WIF1: variants seen among roughly 807,000 people sequenced by gnomAD.
The protein encoded by WIF1 is Wnt inhibitory factor 1.
In WIF1, 35 loss-of-function variants were observed where a neutral mutation model predicts 53.5. The observed-to-expected ratio is 0.65, with a 90% CI of 0.50 to 0.87. WIF1 has a LOEUF of 0.87. Among genes scored for constraint, WIF1 ranks in the 40% least tolerant of loss-of-function variants. The pLI, the probability that WIF1 is intolerant of heterozygous loss-of-function variation, is 0.00. For synonymous variants in WIF1, 171 were observed against 170.4 expected (o/e 1.00, Z -0.03); for missense variants, 467 against 476.8 (o/e 0.98, Z 0.19).
At chr12:65,067,949 T>C (rs1882713617) in intron 4 of WIF1, among the ~76,000 whole-genome samples, 159 bp from the exon 5 acceptor site, 1 of 152,140 alleles carries the variant, frequency 6.6e-6, no homozygotes. Context: ...TCGATATCAC[T>C]TGGATTTCAC....
At chr12:65,072,046 A>C (rs1288145763) in intron 3 of WIF1, among the ~76,000 whole-genome samples, 3 of 152,172 alleles carry the variant, frequency 2.0e-5, no homozygotes, top group African/African-American at 7.2e-5. Flanking sequence ...CTTTATCTAT[A>C]AGACCATTTA....
intron 7 of WIF1, among the ~76,000 whole-genome samples, chr12:65,058,398 G>A (rs565755416): frequency 1.3e-5 from 2 of 152,268 alleles, no homozygotes; most frequent in East Asian, 3.9e-4. Context: ...CTGGGATAAT[G>A]CAGAAAATGA....
chr12:65,063,007 C>G, intron 6 of WIF1, among the ~76,000 whole-genome samples: 1 of 151,994 alleles, frequency 6.6e-6, no homozygotes, highest in East Asian at 1.9e-4. Context: ...AATATCAGGA[C>G]CTGACAAAAA....
intron 2 of WIF1, among the ~76,000 whole-genome samples, chr12:65,095,317 T>C (rs1027135916): frequency 2.0e-5 from 3 of 152,130 alleles, no homozygotes; most frequent in Admixed American, 6.6e-5. Flanking sequence ...CTCTGGATTC[T>C]CTAGTTCAAA....
chr12:65,063,839 A>G (rs1433411938), intron 6 of WIF1, among the ~76,000 whole-genome samples: 1 of 152,044 alleles, frequency 6.6e-6, no homozygotes, highest in African/African-American at 2.4e-5. Flanking sequence ...TCAGCCTCCC[A>G]GATGGCTGGG....
intron 2 of WIF1, among the ~76,000 whole-genome samples, chr12:65,092,930 T>C (rs949182225): frequency 6.6e-6 from 1 of 152,038 alleles, no homozygotes; most frequent in African/African-American, 2.4e-5. Context: ...CTCTGATCTC[T>C]CTTGTCCATG....
chr12:65,072,686 C>G (rs569759400), intron 3 of WIF1, among the ~76,000 whole-genome samples: 1 of 152,174 alleles, frequency 6.6e-6, no homozygotes, highest in South Asian at 2.1e-4. Context: ...AAAATACTAG[C>G]AACATGCACT....
At chr12:65,104,969 A>T (rs1883332756) in intron 2 of WIF1, among the ~76,000 whole-genome samples, 1 of 152,220 alleles carries the variant, frequency 6.6e-6, no homozygotes, top group South Asian at 2.1e-4. Context: ...GGGGGTGTTT[A>T]TCATAAAGAA....
chr12:65,096,213 C>A (rs948783197), intron 2 of WIF1, among the ~76,000 whole-genome samples: 2 of 152,160 alleles, frequency 1.3e-5, no homozygotes, highest in Non-Finnish European at 2.9e-5. Context: ...AGGATATGAA[C>A]AGACACTTCT....
At chr12:65,111,461 C>T (rs1407867159) in intron 2 of WIF1, among the ~76,000 whole-genome samples, 1 of 152,172 alleles carries the variant, frequency 6.6e-6, no homozygotes, top group Admixed American at 6.5e-5. Context: ...ACTCCAACCA[C>T]ACCAAAGTAC....
At chr12:65,083,156 G>A (rs903006752) in intron 2 of WIF1, among the ~76,000 whole-genome samples, 1 of 152,104 alleles carries the variant, frequency 6.6e-6, no homozygotes, top group Non-Finnish European at 1.5e-5. Flanking sequence ...ATTCAGATTC[G>A]CAGATTCACT....
Position 65,116,576 on chromosome 12 carries a change from T to C in WIF1, c.288+3841A>G. On this transcript the variant is annotated intron_variant, in intron 2 of 9. Transcript: ENST00000286574. ...TATTACAATGTAATAATAATAGAAA[T>C]AAAGTGCACTATCCATGTAATGCAC... Among the ~76,000 whole-genome samples, 2 of 151,938 alleles carry C rather than the reference T, an allele frequency of 1.3e-5. 1 individual carries two copies. The highest frequency in any genetic ancestry group is 3.9e-4 in the East Asian group (2 of 5,174).
At chr12:65,076,972 A>G (rs1032526470) in intron 3 of WIF1, among the ~76,000 whole-genome samples, 1 of 152,134 alleles carries the variant, frequency 6.6e-6, no homozygotes, top group Admixed American at 6.6e-5. Context: ...AAAAGATGAG[A>G]AGGAAATACA....
At chr12:65,083,126 T>C (rs1882974014) in intron 2 of WIF1, among the ~76,000 whole-genome samples, 1 of 152,210 alleles carries the variant, frequency 6.6e-6, no homozygotes, top group South Asian at 2.1e-4. Flanking sequence ...CAGCCTATTA[T>C]TGTTACAGCA....
At chr12:65,077,163 T>C (rs559642303) in intron 3 of WIF1, among the ~76,000 whole-genome samples, 1 of 152,318 alleles carries the variant, frequency 6.6e-6, no homozygotes, top group Admixed American at 6.5e-5. Context: ...GACTCGCTAC[T>C]AGTATTCAAA....
chr12:65,119,576 G>T (rs1566321), intron 2 of WIF1, among the ~76,000 whole-genome samples: 115,282 of 151,722 alleles, frequency 0.76, 43,888 homozygotes, highest in East Asian at 1. Context: ...ATAAAAGACC[G>T]AAAAATGTGG....
At chr12:65,114,932 A>G (rs1462669677) in intron 2 of WIF1, among the ~76,000 whole-genome samples, 2 of 152,186 alleles carry the variant, frequency 1.3e-5, no homozygotes, top group African/African-American at 4.8e-5. Context: ...TGCACACTAT[A>G]CATGATAAAA....
At chr12:65,113,050 T>C (rs996852908) in intron 2 of WIF1, among the ~76,000 whole-genome samples, 2 of 152,178 alleles carry the variant, frequency 1.3e-5, no homozygotes, top group South Asian at 4.1e-4. Context: ...TTATTTCTCT[T>C]TGTATGCTAT....
At chr12:65,098,565 TG>T (rs1177671606) in intron 2 of WIF1, among the ~76,000 whole-genome samples, 2 of 152,168 alleles carry the variant, frequency 1.3e-5, no homozygotes, top group African/African-American at 2.4e-5. Context: ...GGCATTGTGC[TG>T]GGCAAAATGG....
Sources: gnomAD v4.1 joint callset for allele counts (sites outside exome capture counted in the v4.1 genomes callset) on GRCh38, gnomAD v4.1.1 for gene constraint, MANE v1.5 for transcripts, NCBI Gene and HGNC (gene_info 2026-07-23, HGNC 2026-07-21) for gene names.